The following SLC39A12 variants were observed in gnomAD, a reference collection of about 807,000 sequenced individuals.
SLC39A12 encodes the protein zinc transporter ZIP12.
In SLC39A12, 63 loss-of-function variants were observed where a neutral mutation model predicts 71.1. The observed-to-expected ratio is 0.89, with a 90% CI of 0.72 to 1.09. SLC39A12 has a LOEUF of 1.09. SLC39A12 is among the 50% of genes least tolerant of loss of function. The pLI, the probability that SLC39A12 is intolerant of heterozygous loss-of-function variation, is 0.00. For synonymous variants in SLC39A12, 351 were observed against 301.3 expected (o/e 1.16, Z -1.71); for missense variants, 892 against 812.6 (o/e 1.10, Z -1.19).
rs549730019 is a variant in SLC39A12 at position 17,991,158 on chromosome 10, G to A, written c.1277G>A (p.Gly426Asp). 5.2e-5 allele frequency: 77 copies of A among 1,483,086 alleles called. No homozygotes were observed. Among genetic ancestry groups the A allele is most frequent in the African/African-American group, 3.3e-4 (22 of 67,232 alleles). The allele number at this position is 1,483,086 out of a possible 1,614,324, so 91.9% of individuals were successfully genotyped here. ...TTTTTTTTTCCCCTGAAGGTTCTTG[G>A]TTTACATAAGCAGGAAGCCCCAGAA... ...ALLHLIPQVL[G>D]LHKQEAPEFG... The change falls in exon 8 of 13, where the codon GGT (glycine) becomes GAT (aspartate). Residue 426 changes from glycine to aspartate, a missense_variant. Transcript: ENST00000377369.
At chr10:17,965,820 A>T (rs1025712737) in intron 4 of SLC39A12, 130 bp downstream of exon 4, 1 of 770,804 alleles carries the variant, frequency 1.3e-6, no homozygotes, top group Admixed American at 2.8e-5. Flanking sequence ...TTATAGAGTC[A>T]TAAAGTCAGA....
intron 6 of SLC39A12, 60 bp from the exon 7 acceptor site, chr10:17,987,403 TCTGGCATTTTCGCCAG>T (rs1378802315): frequency 8.0e-6 from 11 of 1,376,452 alleles, no homozygotes; most frequent in Non-Finnish European, 1.0e-5. Flanking sequence ...GACCAATTCT[TCTGGCATTTTCGCCAG>T]CTGAGGCCGG....
At chr10:17,998,426 T>C (rs1156977289) in intron 10 of SLC39A12, among the ~76,000 whole-genome samples, 2 of 152,222 alleles carry the variant, frequency 1.3e-5, no homozygotes, top group Admixed American at 1.3e-4. Flanking sequence ...TTTAAGTTTT[T>C]TTAAATTTCC....
In SLC39A12 at chr10:18,003,494, T is replaced by TATAAAACAATATAAAC. The variant is rs1835895041; in HGVS notation, c.1947+136_1947+137insATAAAACAATATAAAC. 6.6e-6 allele frequency: 5 copies of TATAAAACAATATAAAC among 759,568 alleles called. No individual in the cohort carries two copies. In the African/African-American group the frequency reaches 8.9e-5, roughly 14 times the overall value. The allele number at this position is 759,568 out of a possible 1,614,324, so 47.1% of individuals were successfully genotyped here. On this transcript the variant is annotated intron_variant, in intron 12 of 12. Coordinates refer to ENST00000377369, the MANE Select transcript of SLC39A12 (RefSeq NM_001145195.2). ...AACAATATAAACCATTAAGGAATAT[T>TATAAAACAATATAAAC]CTTTGTACTCCAAGAAAGTGCATTC...
chr10:18,039,111 T>C (rs1351466499), intron 12 of SLC39A12, among the ~76,000 whole-genome samples: 1 of 152,244 alleles, frequency 6.6e-6, no homozygotes, highest in East Asian at 1.9e-4. Flanking sequence ...CTGTGTACTT[T>C]ACCAAAGACT....
At position 17,966,816 on chromosome 10, in the gene SLC39A12, C is replaced by CA. The variant is rs752762394; in HGVS notation, c.751+1134dup. ...GAAACCTACGTCTCTACTAAAAATACAAAAAAAATTAGCCAGGCGTGGTGG... is the reference window on the plus strand; with the variant it reads ...GAAACCTACGTCTCTACTAAAAATACAAAAAAAAATTAGCCAGGCGTGGTGG... On this transcript the variant is annotated intron_variant, in intron 4 of 12. Transcript: ENST00000377369. 1.6e-3 allele frequency among the ~76,000 whole-genome samples: 246 copies of CA among 151,246 alleles called. 1 individual carries two copies. Among genetic ancestry groups the CA allele is most frequent in the Middle Eastern group, 3.4e-3 (1 of 290 alleles).
At chr10:17,968,483 G>C (rs1474472790) in intron 4 of SLC39A12, among the ~76,000 whole-genome samples, 1 of 152,088 alleles carries the variant, frequency 6.6e-6, no homozygotes, top group Non-Finnish European at 1.5e-5. Flanking sequence ...GGTAAATTTG[G>C]TCATATCTTT....
intron 5 of SLC39A12, among the ~76,000 whole-genome samples, chr10:17,980,337 T>TAA (rs71393049): frequency 1.3e-5 from 2 of 151,848 alleles, no homozygotes; most frequent in African/African-American, 4.8e-5. Flanking sequence ...GTGCCTTCAT[T>TAA]AAAAAAAATC....
At chr10:17,967,420 T>G (rs1390370653) in intron 4 of SLC39A12, among the ~76,000 whole-genome samples, 1 of 152,200 alleles carries the variant, frequency 6.6e-6, no homozygotes, top group African/African-American at 2.4e-5. Context: ...CACTCATTTC[T>G]TCCTTACTAG....
chr10:17,978,167 G>A (rs2437260), intron 5 of SLC39A12, 93 bp downstream of exon 5: 503,432 of 1,051,040 alleles, frequency 0.48, 121,770 homozygotes, highest in East Asian at 0.6. Flanking sequence ...AACTTAAAGA[G>A]TATTGTGTAT....
intron 12 of SLC39A12, among the ~76,000 whole-genome samples, chr10:18,036,310 C>T (rs1046873132): frequency 5.9e-5 from 9 of 152,132 alleles, no homozygotes; most frequent in African/African-American, 1.9e-4. Context: ...ACTCCGTGGG[C>T]GTAGGACCCT....
At position 18,005,904 on chromosome 10, in the gene SLC39A12, C is replaced by T. The variant is rs534999257; in HGVS notation, c.1947+2546C>T. ...CGGGGCTACTTCCTATCATCCAGGT[C>T]GCTTGCTCTCACGGCCTTCTGAGCA... On this transcript the variant is annotated intron_variant, in intron 12 of 12. Coordinates refer to ENST00000377369, the MANE Select transcript of SLC39A12 (RefSeq NM_001145195.2). 6 of 152,148 alleles carry T rather than the reference C, an allele frequency of 3.9e-5. No homozygotes were observed. In the South Asian group the frequency reaches 1.2e-3, roughly 32 times the overall value. The allele number at this position is 152,148 out of a possible 1,614,324, so 9.4% of individuals were successfully genotyped here. A position where few individuals can be genotyped will look rare whatever the true frequency, so the allele number is the denominator to read the frequency against.
At chr10:17,974,270 T>C (rs115568767) in intron 4 of SLC39A12, among the ~76,000 whole-genome samples, 5 of 152,318 alleles carry the variant, frequency 3.3e-5, no homozygotes, top group East Asian at 3.9e-4. Flanking sequence ...TGGTGCCTTA[T>C]TTAATTCATT....
chr10:18,029,968 G>A (rs931405899), intron 12 of SLC39A12, among the ~76,000 whole-genome samples: 6 of 151,312 alleles, frequency 4.0e-5, no homozygotes, highest in South Asian at 4.2e-4. Flanking sequence ...TTGGCATTTC[G>A]TATTTGTAGC....
intron 2 of SLC39A12, among the ~76,000 whole-genome samples, chr10:17,958,764 T>C (rs1430175134): frequency 2.0e-5 from 3 of 152,234 alleles, no homozygotes; most frequent in Non-Finnish European, 4.4e-5. Context: ...TTGCATACCG[T>C]ACACAAATGT....
At chr10:17,956,965 C>T (rs916357826) in intron 2 of SLC39A12, among the ~76,000 whole-genome samples, 18 of 152,138 alleles carry the variant, frequency 1.2e-4, no homozygotes, top group African/African-American at 4.1e-4. Context: ...AAAACACATA[C>T]ACGTTCTCTC....
Position 17,975,804 on chromosome 10 carries a change from T to C in SLC39A12, c.752-2098T>C, listed in dbSNP as rs376277314. 1.7e-4 allele frequency among the ~76,000 whole-genome samples: 26 copies of C among 152,292 alleles called. 1 individual carries two copies. The highest frequency in any genetic ancestry group is 6.0e-4 in the African/African-American group (25 of 41,564). ...AGTTTATTAGCACCCCAGAGCACTTTAGCCTGAGGTGGCAAGGCTTGTGGG... is the reference window on the plus strand; with the variant it reads ...AGTTTATTAGCACCCCAGAGCACTTCAGCCTGAGGTGGCAAGGCTTGTGGG... On this transcript the variant is annotated intron_variant, in intron 4 of 12. Transcript: ENST00000377369.
At chr10:17,995,523 C>A in intron 9 of SLC39A12, 133 bp from the exon 10 acceptor site, 1 of 721,484 alleles carries the variant, frequency 1.4e-6, no homozygotes, top group South Asian at 2.0e-5. Flanking sequence ...GTCTATGAAA[C>A]CTGAGGTTCT....
intron 5 of SLC39A12, among the ~76,000 whole-genome samples, chr10:17,979,804 T>G (rs1835207368): frequency 6.6e-6 from 1 of 152,104 alleles, no homozygotes; most frequent in African/African-American, 2.4e-5. Flanking sequence ...TTGAACTAAA[T>G]GGATGCCTGA....
Sources: gnomAD v4.1 joint callset for allele counts (sites outside exome capture counted in the v4.1 genomes callset) on GRCh38, gnomAD v4.1.1 for gene constraint, MANE v1.5 for transcripts, NCBI Gene and HGNC (gene_info 2026-07-23, HGNC 2026-07-21) for gene names.